IPO8: variants seen among roughly 807,000 people sequenced by gnomAD.
IPO8 encodes importin 8.
Under a neutral mutation model 141.2 loss-of-function variants are expected in IPO8, and 65 were observed. That is an observed-to-expected ratio of 0.46 (90% confidence interval 0.38 to 0.57). IPO8 has a LOEUF of 0.57. IPO8 is among the 20% of genes least tolerant of loss of function. The probability of loss-of-function intolerance (pLI) is 0.00; values close to 1 mark genes in which losing one functional copy is unlikely to be tolerated. For synonymous variants in IPO8, 411 were observed against 420.3 expected, an observed-to-expected ratio of 0.98 and a Z score of 0.27; for missense variants, 980 against 1,246.8, an observed-to-expected ratio of 0.79 and a Z score of 3.22.
At chr12:30,659,234 A>G (rs184039542) in intron 16 of IPO8, among the ~76,000 whole-genome samples, 83 of 152,234 alleles carry the variant, frequency 5.5e-4, no homozygotes, top group African/African-American at 1.9e-3. Context: ...TCATGCCTAT[A>G]ATCCCAGCAC....
chr12:30,639,594 T>A lies in IPO8; in HGVS notation c.2410A>T (p.Ile804Phe), dbSNP rs754973897. The A allele has an allele frequency of 3.1e-6, 5 of 1,614,006 alleles. No homozygotes were observed. In the Admixed American group the frequency reaches 6.7e-5, roughly 22 times the overall value. ...GGTCCAGGGTTGTGAGGCAACTGAA[T>A]TCGTTCTAAAGTATGTAGCAGCAAA... Reference protein sequence around the residue: ...PDLLLHTLERIQLPHNPGPIT... With the variant: ...PDLLLHTLERFQLPHNPGPIT... Residue 804 changes from isoleucine (I) to phenylalanine (F), a missense_variant, in exon 21 of 25, where the codon ATT becomes TTT. By Grantham distance (21) the Ile-to-Phe change is conservative. Transcript: ENST00000256079.
At chr12:30,693,575 C>T (rs2053310844) in intron 1 of IPO8, among the ~76,000 whole-genome samples, 1 of 152,206 alleles carries the variant, frequency 6.6e-6, no homozygotes, top group South Asian at 2.1e-4. Flanking sequence ...TTTACCCACT[C>T]ATTTATCCAA....
intron 2 of IPO8, among the ~76,000 whole-genome samples, chr12:30,690,168 G>A (rs970057268): frequency 6.6e-6 from 1 of 152,138 alleles, no homozygotes; most frequent in Non-Finnish European, 1.5e-5. Context: ...TAATCTATGG[G>A]CCCAGAGGCT....
rs1216964299 is a variant in IPO8 at position 30,648,810 on chromosome 12, G to C, written c.2268+327C>G. Among the ~76,000 whole-genome samples the C allele has an allele frequency of 2.0e-5, 3 of 152,086 alleles. No individual in the cohort carries two copies. The East Asian group carries it at 5.8e-4, about 29-fold the overall frequency. On this transcript the variant is annotated intron_variant, in intron 20 of 24. Transcript: ENST00000256079. ...AATTTCTGGTTAGAAAAGGTACCTA[G>C]GAGTATTTAAATAGGATACACAAAA...
intron 19 of IPO8, among the ~76,000 whole-genome samples, chr12:30,650,725 G>A (rs2052714988): frequency 1.3e-5 from 2 of 152,118 alleles, no homozygotes; most frequent in South Asian, 2.1e-4. Flanking sequence ...ATTTGTTTTG[G>A]TTTGCCAAAA....
chr12:30,630,879 G>T lies in IPO8; in HGVS notation c.3095C>A (p.Thr1032Asn). Reference protein sequence around the residue: ...KGVLSAFNFGTVPSNN With the variant: ...KGVLSAFNFGNVPSNN ...TTTCCTTCAGTTGTTGCTGGGCACA[G>T]TCCCAAAATTAAATGCGGAGAGGAC... Residue 1032 changes from threonine to asparagine, a missense_variant, in exon 25 of 25, where the codon ACT (threonine) becomes AAT (asparagine). Transcript: ENST00000256079. 6.2e-7 allele frequency: 1 copy of T among 1,613,260 alleles called. No individual in the cohort carries two copies. Among genetic ancestry groups the T allele is most frequent in the Non-Finnish European group, 8.5e-7 (1 of 1,179,520 alleles).
intron 5 of IPO8, among the ~76,000 whole-genome samples, chr12:30,678,926 G>A (rs952134309): frequency 2.0e-5 from 3 of 152,082 alleles, no homozygotes; most frequent in East Asian, 1.9e-4. Context: ...TGCAACCTCC[G>A]CCTCCTGGGT....
chr12:30,643,473 T>C, intron 20 of IPO8, among the ~76,000 whole-genome samples: 1 of 152,216 alleles, frequency 6.6e-6, no homozygotes, highest in East Asian at 1.9e-4. Context: ...AATACTACTA[T>C]GGTCTCGATA....
In IPO8 at chr12:30,652,973, A is replaced by C; in HGVS notation, c.2068T>G (p.Phe690Val). 6.2e-7 allele frequency: 1 copy of C among 1,606,830 alleles called. No homozygotes were observed. The highest frequency in any genetic ancestry group is 8.5e-7 in the Non-Finnish European group (1 of 1,177,366). Residue 690 changes from phenylalanine to valine, a missense_variant, in exon 18 of 25, where the codon TTT (phenylalanine) becomes GTT (valine). Phe to Val is a conservative substitution (Grantham distance 50). Around this residue, in one of 3 missense-constraint regions of IPO8, gnomAD observed 924 missense variants for 1,153.9 expected, o/e 0.80. Coordinates refer to ENST00000256079, the MANE Select transcript of IPO8 (RefSeq NM_006390.4). ...TATATGGTCAAAGCCATACCTGTAA[A>C]GTATTCAAAGCAATCCTGCTGAAAC... ...EVFQQDCFEY[F>V]TDMMPLLHNY...
At chr12:30,647,231 C>T (rs1229675558) in intron 20 of IPO8, among the ~76,000 whole-genome samples, 2 of 152,054 alleles carry the variant, frequency 1.3e-5, no homozygotes, top group African/African-American at 2.4e-5. Flanking sequence ...ACAAATGGTG[C>T]TCAAACAACT....
intron 10 of IPO8, among the ~76,000 whole-genome samples, chr12:30,667,521 C>T (rs560542782): frequency 7.2e-5 from 11 of 152,226 alleles, no homozygotes; most frequent in Admixed American, 2.6e-4. Context: ...CTTTGTTTCA[C>T]GTAAATAATT....
rs748792108 is a variant in IPO8 at position 30,637,165 on chromosome 12, T to C, written c.2512A>G (p.Ile838Val). 4.3e-6 allele frequency: 7 copies of C among 1,613,496 alleles called. No homozygotes were observed. The Admixed American group carries it at 1.0e-4, about 23-fold the overall frequency. ...TCCAAAAGGATACTCAGTCCTATTATACACATCTTCCGGTCATGATGCCTG... is the reference window on the plus strand; with the variant it reads ...TCCAAAAGGATACTCAGTCCTATTACACACATCTTCCGGTCATGATGCCTG... ...FLGHHDRKMC[I>V]IGLSILLELQ... Residue 838 changes from isoleucine (I) to valine (V), a missense_variant, in exon 22 of 25, where the codon ATA becomes GTA. Ile to Val is a conservative substitution (Grantham distance 29). Transcript: ENST00000256079.
chr12:30,665,592 T>C, intron 12 of IPO8, 137 bp downstream of exon 12: 1 of 638,926 alleles, frequency 1.6e-6, no homozygotes, highest in Non-Finnish European at 2.7e-6. Context: ...AAGAAATAGA[T>C]GACAGAAAGG....
chr12:30,662,236 T>A (rs748834589), intron 15 of IPO8, 91 bp downstream of exon 15: 94 of 984,356 alleles, frequency 9.5e-5, no homozygotes, highest in Non-Finnish European at 1.2e-4. Context: ...AGCACATGAC[T>A]GTACAAATAA....
chr12:30,644,373 A>T (rs940861106), intron 20 of IPO8, among the ~76,000 whole-genome samples: 4 of 29,900 alleles, frequency 1.3e-4, no homozygotes, highest in African/African-American at 3.0e-4. Flanking sequence ...AATCTCCATT[A>T]AAAAAAAAAA....
intron 21 of IPO8, 109 bp from the exon 22 acceptor site, chr12:30,637,296 G>A: frequency 1.2e-6 from 1 of 802,304 alleles, no homozygotes; most frequent in South Asian, 1.6e-5. Context: ...AGGTTCATCT[G>A]TTGGTATCAT....
At chr12:30,649,754 A>C (rs2052700214) in intron 19 of IPO8, among the ~76,000 whole-genome samples, 2 of 152,134 alleles carry the variant, frequency 1.3e-5, no homozygotes, top group Non-Finnish European at 2.9e-5. Context: ...CAAAGTTATC[A>C]GACAGTTCCC....
At position 30,695,059 on chromosome 12, in the gene IPO8, C is replaced by A. The variant is rs558869879; in HGVS notation, c.84+505G>T. On this transcript the variant is annotated intron_variant, in intron 1 of 24. Coordinates refer to ENST00000256079, the MANE Select transcript of IPO8 (RefSeq NM_006390.4). The surrounding 1 kb of genome is among the most constrained non-coding windows in gnomAD (Gnocchi z 4.2). The stretch of plus-strand genomic sequence containing the variant: ...GCACTCTCCCAACAGCACTGCCCAG[C>A]GCTCCGCAAAACTCGGCCAATCGGT... The A allele has an allele frequency of 2.2e-6, 1 of 455,618 alleles. No individual in the cohort carries two copies. The highest frequency in any genetic ancestry group is 4.4e-6 in the Non-Finnish European group (1 of 227,152). 28.2% of individuals were successfully genotyped at this position (455,618 alleles called of 1,614,324 possible).
intron 19 of IPO8, among the ~76,000 whole-genome samples, chr12:30,649,791 T>C (rs1462486806): frequency 1.3e-5 from 2 of 152,124 alleles, no homozygotes; most frequent in Admixed American, 6.6e-5. Flanking sequence ...ATTTTCACTA[T>C]TATAAACAAT....
Sources: gnomAD v4.1 joint callset for allele counts (sites outside exome capture counted in the v4.1 genomes callset) on GRCh38, gnomAD v4.1.1 for gene constraint, gnomAD v4.1.1 regional missense constraint, Gnocchi (gnomAD v3.1) non-coding constraint, MANE v1.5 for transcripts, NCBI Gene and HGNC (gene_info 2026-07-23, HGNC 2026-07-21) for gene names.